The following MYT1L variants were observed in gnomAD, a reference collection of about 807,000 sequenced individuals.
The protein encoded by MYT1L is myelin transcription factor 1-like protein.
In MYT1L, 12 loss-of-function variants were observed where a neutral mutation model predicts 126.7. The observed-to-expected ratio is 0.09, with a 90% CI of 0.06 to 0.15. MYT1L has a LOEUF of 0.15. Ranked by LOEUF, MYT1L falls within the 10% of genes least tolerant of loss-of-function variation. The probability of loss-of-function intolerance (pLI) is 1.00; values close to 1 mark genes in which losing one functional copy is unlikely to be tolerated. For synonymous variants in MYT1L, 541 were observed against 604.2 expected (o/e 0.90, Z 1.53); for missense variants, 979 against 1,585.2 (o/e 0.62, Z 6.49).
At chr2:2,195,760 G>A (rs1238899263) in intron 2 of MYT1L, among the ~76,000 whole-genome samples, 1 of 152,116 alleles carries the variant, frequency 6.6e-6, no homozygotes, top group Admixed American at 6.6e-5. Context: ...ATTGAAGTTA[G>A]GATCTCAGTT....
intron 2 of MYT1L, among the ~76,000 whole-genome samples, chr2:2,223,269 TA>T (rs916285901): frequency 1.6e-4 from 25 of 152,326 alleles, no homozygotes; most frequent in African/African-American, 6.0e-4. Context: ...TATTAGAATA[TA>T]AAAAAATTGA....
At position 1,874,192 on chromosome 2, in the gene MYT1L, T is replaced by C. The variant is rs199526018; in HGVS notation, c.2711+12347A>G. On this transcript the variant is annotated intron_variant, in intron 18 of 24. Transcript: ENST00000647738. The stretch of plus-strand genomic sequence containing the variant: ...AGGTGTGGAAAACAGGAAACGCTCT[T>C]TTTTTTTTTTCCCCCAAGATGAATT... Among the ~76,000 whole-genome samples, 10 of 69,282 alleles carry C rather than the reference T, an allele frequency of 1.4e-4. No homozygotes were observed. In the African/African-American group the frequency reaches 1.5e-3, roughly 10 times the overall value. The allele number at this position is 69,282 out of a possible 152,430, so 45.5% of individuals were successfully genotyped here. A position where few individuals can be genotyped will look rare whatever the true frequency, so the allele number is the denominator to read the frequency against.
intron 2 of MYT1L, among the ~76,000 whole-genome samples, chr2:2,220,044 G>C (rs923095413): frequency 6.6e-6 from 1 of 152,170 alleles, no homozygotes; most frequent in Non-Finnish European, 1.5e-5. Context: ...TGCACAGTGA[G>C]TGGAGAAGAG....
rs530088678 is a variant in MYT1L at position 1,881,050 on chromosome 2, C to T, written c.2711+5489G>A. Among the ~76,000 whole-genome samples the T allele has an allele frequency of 1.2e-4, 18 of 152,210 alleles. No homozygotes were observed. In the Middle Eastern group the frequency reaches 0.01, roughly 86 times the overall value. On this transcript the variant is annotated intron_variant, in intron 18 of 24. Coordinates refer to ENST00000647738, the MANE Select transcript of MYT1L (RefSeq NM_001303052.2). ...TTGTTTTGTTTTTGGCTGGCTTGTG[C>T]GTCAGTATAGTTAGTTAAAAGAAGT...
rs945105742 is a variant in MYT1L at position 2,228,367 on chromosome 2, C to T, written c.-420-55379G>A. ...ATTATAATAATAATTTAGCTAGCCA[C>T]ATGGTTACTTACCATTGTGTTAGAT... is the stretch of plus-strand genomic sequence containing the variant. On this transcript the variant is annotated intron_variant, in intron 2 of 24. Transcript: ENST00000647738. The surrounding 1 kb of genome is among the most constrained non-coding windows in gnomAD (Gnocchi z 5.9). 2.0e-5 allele frequency among the ~76,000 whole-genome samples: 3 copies of T among 152,172 alleles called. No individual in the cohort carries two copies. The highest frequency in any genetic ancestry group is 2.0e-4 in the Admixed American group (3 of 15,278).
chr2:2,107,716 T>G (rs2078922565), intron 3 of MYT1L, among the ~76,000 whole-genome samples: 1 of 152,146 alleles, frequency 6.6e-6, no homozygotes, highest in Non-Finnish European at 1.5e-5. Flanking sequence ...AAGAGAATAA[T>G]GGGCTGTGTT....
chr2:2,223,692 A>G (rs2149002058), intron 2 of MYT1L, among the ~76,000 whole-genome samples: 1 of 152,372 alleles, frequency 6.6e-6, no homozygotes, highest in South Asian at 2.1e-4. Context: ...GGATTCAAAA[A>G]GATAACTAGA....
At chr2:1,849,191 C>G (rs1001362835) in intron 19 of MYT1L, among the ~76,000 whole-genome samples, 3 of 151,528 alleles carry the variant, frequency 2.0e-5, no homozygotes, top group South Asian at 4.2e-4. Flanking sequence ...GACATTTGGA[C>G]ACAAAGTGAC....
intron 2 of MYT1L, among the ~76,000 whole-genome samples, chr2:2,241,177 C>T (rs1265314232): frequency 1.3e-5 from 2 of 152,216 alleles, no homozygotes; most frequent in South Asian, 2.1e-4. Context: ...CTCATAGGTG[C>T]TATAACCGCA....
intron 1 of MYT1L, among the ~76,000 whole-genome samples, chr2:2,289,666 C>G (rs1002376615): frequency 3.3e-5 from 5 of 152,184 alleles, no homozygotes; most frequent in African/African-American, 1.2e-4. Context: ...CTCCCCCTCA[C>G]TGGTACCACC....
chr2:1,817,389 G>A lies in MYT1L; in HGVS notation c.3081-8222C>T, dbSNP rs146666076. ...TGGACCCACACTGCGGTTCAGCACCGGCTTTGCCCACAGTCTCACGCTGCT... is the reference window on the plus strand; with the variant it reads ...TGGACCCACACTGCGGTTCAGCACCAGCTTTGCCCACAGTCTCACGCTGCT... On this transcript the variant is annotated intron_variant, in intron 21 of 24. Coordinates refer to ENST00000647738, the MANE Select transcript of MYT1L (RefSeq NM_001303052.2). Among the ~76,000 whole-genome samples the A allele has an allele frequency of 1.5e-3, 226 of 152,284 alleles. 2 individuals are homozygous for A. The highest frequency in any genetic ancestry group is 5.2e-3 in the African/African-American group (217 of 41,550).
chr2:2,202,817 A>C (rs1003324375), intron 2 of MYT1L, among the ~76,000 whole-genome samples: 5 of 152,224 alleles, frequency 3.3e-5, no homozygotes, highest in African/African-American at 2.4e-5. Context: ...GAGACACAAC[A>C]AAAAAAGAGA....
chr2:2,099,278 T>C (rs1016108984), intron 3 of MYT1L, among the ~76,000 whole-genome samples: 32 of 152,054 alleles, frequency 2.1e-4, no homozygotes, highest in Non-Finnish European at 4.1e-4. Flanking sequence ...TGCAACAAAA[T>C]AAAAGAGAAC....
Position 1,886,622 on chromosome 2 carries a change from G to A in MYT1L, c.2643-15C>T, listed in dbSNP as rs370327829. 1.2e-4 allele frequency: 177 copies of A among 1,535,330 alleles called. 4 individuals carry two copies. The South Asian group carries it at 1.8e-3, about 15-fold the overall frequency. ...AGCCAGACAGACTGTAAGACAGGCC[G>A]GGACAGGCAGGTCAGTCAACTGCGA... On this transcript the variant is annotated splice_polypyrimidine_tract_variant and intron_variant, in intron 17 of 24. Transcript: ENST00000647738.
chr2:2,182,856 G>A (rs899383200), intron 2 of MYT1L, among the ~76,000 whole-genome samples: 12 of 152,160 alleles, frequency 7.9e-5, no homozygotes, highest in East Asian at 1.9e-4. Flanking sequence ...ATAAAGACTC[G>A]CACAGCCTGG....
chr2:1,985,629 TA>T (rs1208261160), intron 5 of MYT1L, among the ~76,000 whole-genome samples: 7 of 152,236 alleles, frequency 4.6e-5, no homozygotes, highest in East Asian at 1.9e-4. Flanking sequence ...CATGAAACCC[TA>T]AAAATAAATC....
chr2:2,013,577 C>A (rs2064052409), intron 4 of MYT1L, among the ~76,000 whole-genome samples: 1 of 152,250 alleles, frequency 6.6e-6, no homozygotes, highest in Non-Finnish European at 1.5e-5. Flanking sequence ...CAGAATTCCG[C>A]TTCTGGCTAT....
chr2:1,792,475 C>T lies in MYT1L; in HGVS notation c.3277-11G>A. On this transcript the variant is annotated splice_polypyrimidine_tract_variant and intron_variant, in intron 23 of 24. Transcript: ENST00000647738. ...CTCCATCGTGGTAATCTGAAACGCA[C>T]AAGTGTGCGTGACATGTAACACCAG... The T allele has an allele frequency of 6.2e-7, 1 of 1,611,474 alleles. No homozygotes were observed. The highest frequency in any genetic ancestry group is 8.5e-7 in the Non-Finnish European group (1 of 1,178,160).
intron 2 of MYT1L, among the ~76,000 whole-genome samples, chr2:2,196,978 A>C (rs2092825982): frequency 6.6e-6 from 1 of 152,100 alleles, no homozygotes; most frequent in Admixed American, 6.6e-5. Context: ...ATGTAAGGAC[A>C]CAAAAAGGTT....
Sources: gnomAD v4.1 joint callset for allele counts (sites outside exome capture counted in the v4.1 genomes callset) on GRCh38, gnomAD v4.1.1 for gene constraint, Gnocchi (gnomAD v3.1) non-coding constraint, MANE v1.5 for transcripts, NCBI Gene and HGNC (gene_info 2026-07-23, HGNC 2026-07-21) for gene names.